Variants in KLHDC4 observed in about 807,000 individuals in gnomAD.
KLHDC4 encodes kelch domain containing 4.
KLHDC4 carries 90 observed loss-of-function variants against 62.4 expected under a neutral mutation model. The ratio of observed to expected loss-of-function variants is 1.44; its 90% confidence interval spans 1.22 to 1.72. KLHDC4 has a LOEUF of 1.72. KLHDC4 is among the 40% of genes most tolerant of loss of function. The pLI is 0.00. For missense variants in KLHDC4, 1,025 were observed against 699.7 expected, an observed-to-expected ratio of 1.47 and a Z score of -5.25; for synonymous variants, 386 against 284.4, an observed-to-expected ratio of 1.36 and a Z score of -3.59.
chr16:87,745,734 G>T (rs947552683), intron 5 of KLHDC4, among the ~76,000 whole-genome samples: 1 of 152,278 alleles, frequency 6.6e-6, no homozygotes, highest in East Asian at 1.9e-4. Flanking sequence ...CAGTCAAGGC[G>T]CCTGGTGTTT....
chr16:87,746,861 T>G (rs146755439), intron 5 of KLHDC4, among the ~76,000 whole-genome samples: 21 of 152,312 alleles, frequency 1.4e-4, no homozygotes, highest in African/African-American at 5.1e-4. Context: ...CCTGTTTTAA[T>G]TACCATTAGC....
intron 7 of KLHDC4, among the ~76,000 whole-genome samples, chr16:87,720,832 C>A (rs1281383053): frequency 6.6e-6 from 1 of 152,258 alleles, no homozygotes; most frequent in Non-Finnish European, 1.5e-5. Flanking sequence ...ACAGCCGCAG[C>A]CTCTTTGGGG....
chr16:87,747,096 C>T (rs769196351), intron 5 of KLHDC4, among the ~76,000 whole-genome samples: 1 of 152,218 alleles, frequency 6.6e-6, no homozygotes, highest in Non-Finnish European at 1.5e-5. Flanking sequence ...CAGATACCCA[C>T]GATCCGAGTG....
At chr16:87,713,598 T>C (rs36015371) in intron 8 of KLHDC4, among the ~76,000 whole-genome samples, 19,892 of 152,044 alleles carry the variant, frequency 0.13, 1,487 homozygotes, top group South Asian at 0.24. Flanking sequence ...CACGGCTTCT[T>C]CCGCTTCAGA....
intron 8 of KLHDC4, among the ~76,000 whole-genome samples, chr16:87,714,247 C>G (rs2036474719): frequency 6.6e-6 from 1 of 152,218 alleles, no homozygotes; most frequent in Non-Finnish European, 1.5e-5. Flanking sequence ...GGGCTGTCTG[C>G]AGGGTAACAG....
intron 2 of KLHDC4, 96 bp from the exon 3 acceptor site, chr16:87,756,573 G>C: frequency 1.1e-6 from 1 of 879,142 alleles, no homozygotes. Flanking sequence ...ACCACAAACT[G>C]GCTGCCTCTA....
At chr16:87,702,323 G>A (rs1296694465) in exon 1 of KLHDC4, 5 of 455,788 alleles carry the variant, frequency 1.1e-5, no homozygotes, top group Admixed American at 9.4e-5. Flanking sequence ...CAGGCCCTGG[G>A]GTCAGGCTGA....
At chr16:87,748,417 G>A (rs1004280668) in intron 5 of KLHDC4, among the ~76,000 whole-genome samples, 8 of 152,204 alleles carry the variant, frequency 5.3e-5, no homozygotes, top group African/African-American at 1.9e-4. Flanking sequence ...CAGGCAGCGA[G>A]AGGCTGGTGG....
At chr16:87,722,146 C>G (rs758578796) in intron 7 of KLHDC4, among the ~76,000 whole-genome samples, 1 of 152,242 alleles carries the variant, frequency 6.6e-6, no homozygotes, top group Non-Finnish European at 1.5e-5. Flanking sequence ...TGCTGTCCCA[C>G]ACGCTGCATC....
intron 1 of KLHDC4, among the ~76,000 whole-genome samples, chr16:87,763,911 T>C (rs937604040): frequency 2.0e-5 from 3 of 152,258 alleles, no homozygotes; most frequent in East Asian, 1.9e-4. Flanking sequence ...GGTTGGGGTA[T>C]AGGTAAGACC....
At chr16:87,733,312 A>G (rs2040721023) in intron 5 of KLHDC4, among the ~76,000 whole-genome samples, 1 of 152,242 alleles carries the variant, frequency 6.6e-6, no homozygotes, top group Non-Finnish European at 1.5e-5. Flanking sequence ...AGGAGCAACA[A>G]AACAGACAGG....
In KLHDC4 at chr16:87,726,843, C is replaced by T. The variant is rs1304609478; in HGVS notation, c.681G>A (p.Gly227=). The T allele has an allele frequency of 6.2e-7, 1 of 1,613,012 alleles. No homozygotes were observed. Among genetic ancestry groups the T allele is most frequent in the East Asian group, 2.2e-5 (1 of 44,702 alleles). ...TCTGGCAGCCTGATCTGGGTGTGGG[C>T]CCCGTCCCTGACGGGGACAGCTTGC... ...TWSKLSPSGT[G]PTPRSGCQMS... Residue 227 remains glycine (G), a synonymous_variant, in exon 7 of 12, where the codon GGG becomes GGA. Coordinates refer to ENST00000270583, the MANE Select transcript of KLHDC4 (RefSeq NM_017566.4).
At chr16:87,747,049 G>C (rs927191781) in intron 5 of KLHDC4, among the ~76,000 whole-genome samples, 1 of 152,178 alleles carries the variant, frequency 6.6e-6, no homozygotes, top group Non-Finnish European at 1.5e-5. Context: ...CTCCCAAAGT[G>C]ACCAGGTACC....
At chr16:87,708,491 T>A (rs369517652) in intron 10 of KLHDC4, 25 bp from the exon 11 acceptor site, 3 of 1,562,246 alleles carry the variant, frequency 1.9e-6, no homozygotes, top group Non-Finnish European at 2.6e-6. Context: ...TGAACGCACA[T>A]ACACGTCAGC....
intron 7 of KLHDC4, among the ~76,000 whole-genome samples, chr16:87,720,675 G>A (rs371894713): frequency 4.6e-4 from 70 of 152,256 alleles, no homozygotes; most frequent in Admixed American, 4.4e-3. Context: ...GCATGAAGCC[G>A]CGCGCCCCCT....
chr16:87,748,202 G>A (rs1042408366), intron 5 of KLHDC4, among the ~76,000 whole-genome samples: 1 of 152,208 alleles, frequency 6.6e-6, no homozygotes, highest in African/African-American at 2.4e-5. Context: ...TGGAAATCAA[G>A]AGGCTGAGCA....
intron 11 of KLHDC4, 36 bp from the exon 12 acceptor site, chr16:87,708,111 C>A (rs1385313525): frequency 1.5e-6 from 1 of 650,746 alleles, no homozygotes; most frequent in East Asian, 3.0e-5. Flanking sequence ...GAGAGAAACA[C>A]ATTCAGCCGA....
At chr16:87,721,032 CCTT>C (rs2038200948) in intron 7 of KLHDC4, among the ~76,000 whole-genome samples, 1 of 152,194 alleles carries the variant, frequency 6.6e-6, no homozygotes, top group Non-Finnish European at 1.5e-5. Context: ...TCCGAGACCA[CCTT>C]CTTAACGGCC....
chr16:87,756,390 ATACTT>A lies in KLHDC4; in HGVS notation c.270+4_270+8del, dbSNP rs1436744935. 1 of 1,596,998 alleles carries A rather than the reference ATACTT, an allele frequency of 6.3e-7. No individual in the cohort carries two copies. The highest frequency in any genetic ancestry group is 1.3e-5 in the African/African-American group (1 of 74,556). On this transcript the variant is annotated splice_donor_5th_base_variant and intron_variant, in intron 3 of 11. Transcript: ENST00000270583. ...ACATGGGAAGAAAAGAAAAAAATAT[ATACTT>A]TACTTTTTGGCCGTTGAAATATTCA...
Sources: allele counts gnomAD v4.1 joint callset (sites outside exome capture counted in the v4.1 genomes callset), GRCh38; gene constraint gnomAD v4.1.1; transcripts MANE v1.5; gene names NCBI Gene and HGNC (gene_info 2026-07-23, HGNC 2026-07-21).